Variants in KTN1 observed in about 807,000 individuals in gnomAD.
The protein encoded by KTN1 is kinectin 1, also known as kinectin.
In KTN1, 130 loss-of-function variants were observed where a neutral mutation model predicts 222.5. The ratio of observed to expected loss-of-function variants is 0.58; its 90% CI spans 0.51 to 0.68. KTN1 has a LOEUF of 0.68. Among genes scored for constraint, KTN1 ranks in the 30% least tolerant of loss-of-function variants. The pLI, the probability that KTN1 is intolerant of heterozygous loss-of-function variation, is 0.00. For missense variants in KTN1, 1,508 were observed against 1,500.4 expected (o/e 1.01, Z -0.08); for synonymous variants, 512 against 496.3 (o/e 1.03, Z -0.42).
At chr14:55,682,819 C>G (rs1326412897) in intron 43 of KTN1, 5 of 152,052 alleles carry the variant, frequency 3.3e-5, no homozygotes, top group African/African-American at 4.8e-5. Flanking sequence ...TTCACTGATC[C>G]CTTTTGTCAC....
intron 8 of KTN1, 81 bp from the exon 9 acceptor site, chr14:55,634,445 A>G (rs2040880458): frequency 7.7e-7 from 1 of 1,306,838 alleles, no homozygotes; most frequent in Admixed American, 2.7e-5. Flanking sequence ...TCAGCTCAGC[A>G]AAACTAACAA....
intron 5 of KTN1, among the ~76,000 whole-genome samples, chr14:55,626,310 G>T (rs1437046217): frequency 6.6e-6 from 1 of 151,968 alleles, no homozygotes; most frequent in Non-Finnish European, 1.5e-5. Context: ...GTTTACAGCG[G>T]CATGTGCTTT....
In KTN1 at chr14:55,679,678, G is replaced by A; in HGVS notation, c.4062G>A (p.Gln1354=). The A allele has an allele frequency of 5.0e-6, 8 of 1,613,790 alleles. No homozygotes were observed. Among genetic ancestry groups the A allele is most frequent in the Non-Finnish European group, 6.8e-6 (8 of 1,179,808 alleles). Reference sequence around the variant, plus strand: ...TCACAAAGGAGAAAGAGCACTACCAGGTGTTAGGTAAGGACAACTGAAATA... The same window carrying A: ...TCACAAAGGAGAAAGAGCACTACCAAGTGTTAGGTAAGGACAACTGAAATA... ...QQLTKEKEHY[Q]VLE Residue 1354 remains glutamine (Q), a synonymous_variant, in exon 43 of 44, where the codon CAG becomes CAA. Coordinates refer to ENST00000395314, the MANE Select transcript of KTN1 (RefSeq NM_001079521.2).
At chr14:55,681,748 C>T (rs112357586) in intron 43 of KTN1, 4 of 152,042 alleles carry the variant, frequency 2.6e-5, no homozygotes, top group African/African-American at 9.7e-5. Context: ...AAAATAGAGG[C>T]CCACCAGGCA....
At chr14:55,619,653 T>C (rs2038866805) in intron 5 of KTN1, among the ~76,000 whole-genome samples, 1 of 152,118 alleles carries the variant, frequency 6.6e-6, no homozygotes, top group African/African-American at 2.4e-5. Flanking sequence ...GGTTTCCTCT[T>C]ATAAAACCAT....
At chr14:55,662,414 T>G (rs1472871362) in intron 32 of KTN1, among the ~76,000 whole-genome samples, 1 of 152,142 alleles carries the variant, frequency 6.6e-6, no homozygotes, top group African/African-American at 2.4e-5. Flanking sequence ...ATTTTGGTAA[T>G]TAAGTGTGTT....
In KTN1 at chr14:55,661,625, T is replaced by TTG; in HGVS notation, c.3090+14_3090+15insGT. The TTG allele has an allele frequency of 7.1e-7, 1 of 1,399,066 alleles. No individual in the cohort carries two copies. Among genetic ancestry groups the TTG allele is most frequent in the Non-Finnish European group, 1.0e-6 (1 of 990,710 alleles). The allele number at this position is 1,399,066 out of a possible 1,614,324, so 86.7% of individuals were successfully genotyped here. On this transcript the variant is annotated intron_variant, in intron 32 of 43. Coordinates refer to ENST00000395314, the MANE Select transcript of KTN1 (RefSeq NM_001079521.2). Reference sequence around the variant, plus strand: ...GAAGAAAAACAATGTAAGTAGATCTTTATCAGAATGAAGCTTTTCTTTTTA... The same window carrying TTG: ...GAAGAAAAACAATGTAAGTAGATCTTTGTATCAGAATGAAGCTTTTCTTTTTA...
intron 42 of KTN1, 116 bp from the exon 43 acceptor site, chr14:55,679,449 T>A (rs1310585028): frequency 1.6e-5 from 13 of 827,632 alleles, no homozygotes; most frequent in Non-Finnish European, 2.4e-5. Flanking sequence ...TTCATGTCAT[T>A]GTTCAGATTT....
intron 41 of KTN1, 50 bp from the exon 42 acceptor site, chr14:55,678,302 G>T: frequency 1.0e-6 from 1 of 992,446 alleles, no homozygotes; most frequent in Non-Finnish European, 1.6e-6. Context: ...CATTTTTTAT[G>T]TATTTATCAA....
At chr14:55,634,884 A>T (rs1274241453) in intron 9 of KTN1, among the ~76,000 whole-genome samples, 3 of 152,074 alleles carry the variant, frequency 2.0e-5, no homozygotes, top group Non-Finnish European at 4.4e-5. Flanking sequence ...GGAAGGAGAA[A>T]TGCCGAGCGA....
chr14:55,678,011 A>G (rs1443791623), intron 41 of KTN1, among the ~76,000 whole-genome samples: 1 of 152,180 alleles, frequency 6.6e-6, no homozygotes, highest in Non-Finnish European at 1.5e-5. Context: ...TGGCCCTTTA[A>G]AAAGTAAAAA....
At chr14:55,646,144 A>G (rs1035157594) in intron 18 of KTN1, among the ~76,000 whole-genome samples, 24 of 152,188 alleles carry the variant, frequency 1.6e-4, no homozygotes, top group African/African-American at 5.5e-4. Context: ...AGAGGATGCC[A>G]GGAGAAGTTT....
intron 18 of KTN1, chr14:55,644,560 C>A: frequency 1.2e-5 from 4 of 320,254 alleles, no homozygotes; most frequent in Non-Finnish European, 1.6e-5. Flanking sequence ...CAGAATAAGA[C>A]TTTTTTTTTT....
Position 55,618,000 on chromosome 14 carries a change from A to C in KTN1, c.698A>C (p.Tyr233Ser). 7 of 1,609,804 alleles carry C rather than the reference A, an allele frequency of 4.3e-6. No individual in the cohort carries two copies. The South Asian group carries it at 7.8e-5, about 18-fold the overall frequency. ...GAACCCCTTATTCATGCAACTACTT[A>C]TATTCCTTTGATGGATAATGCTGAC... ...VDEPLIHATT[Y>S]IPLMDNADSS... The change falls in exon 4 of 44, where the codon TAT (tyrosine) becomes TCT (serine). Residue 233 changes from tyrosine to serine, a missense_variant. Physicochemically the swap from Tyr to Ser is moderately radical, Grantham distance 144 (BLOSUM62 -2). Coordinates refer to ENST00000395314, the MANE Select transcript of KTN1 (RefSeq NM_001079521.2).
chr14:55,604,989 A>G (rs879931366), intron 1 of KTN1, among the ~76,000 whole-genome samples: 3 of 152,184 alleles, frequency 2.0e-5, no homozygotes, highest in Non-Finnish European at 2.9e-5. Context: ...TGGTCGTCCC[A>G]TATTTTCTTC....
At chr14:55,640,877 A>G (rs1479993546) in intron 15 of KTN1, 56 bp from the exon 16 acceptor site, 33 of 1,433,368 alleles carry the variant, frequency 2.3e-5, no homozygotes, top group Non-Finnish European at 2.9e-5. Context: ...AGTGAAAAAA[A>G]TAGTTTTGAG....
intron 1 of KTN1, among the ~76,000 whole-genome samples, chr14:55,610,843 G>A (rs559133399): frequency 6.6e-6 from 1 of 152,338 alleles, no homozygotes; most frequent in South Asian, 2.1e-4. Flanking sequence ...TCACGTAAGT[G>A]ATATGTATAT....
chr14:55,622,498 G>C (rs967714773), intron 5 of KTN1, among the ~76,000 whole-genome samples: 3 of 152,144 alleles, frequency 2.0e-5, no homozygotes, highest in Admixed American at 6.5e-5. Flanking sequence ...ACTGGGAAAG[G>C]TGACAAATTT....
At chr14:55,669,540 A>G (rs1042474959) in intron 34 of KTN1, among the ~76,000 whole-genome samples, 3 of 151,992 alleles carry the variant, frequency 2.0e-5, no homozygotes, top group Non-Finnish European at 2.9e-5. Flanking sequence ...AAATATATAA[A>G]TTTTTTTACT....
Sources: allele counts gnomAD v4.1 joint callset (sites outside exome capture counted in the v4.1 genomes callset), GRCh38; gene constraint gnomAD v4.1.1; transcripts MANE v1.5; gene names NCBI Gene and HGNC (gene_info 2026-07-23, HGNC 2026-07-21).